The following PLXNB3 variants were observed in gnomAD, a reference collection of about 807,000 sequenced individuals.
The protein encoded by PLXNB3 is plexin B3.
A neutral mutation model predicts 125.7 loss-of-function variants in PLXNB3; 80 were observed. That is an observed-to-expected ratio of 0.64 (90% CI 0.53 to 0.77). PLXNB3 has a LOEUF of 0.77. Among genes scored for constraint, PLXNB3 ranks in the 30% least tolerant of loss-of-function variants. The pLI is 0.00. For synonymous variants in PLXNB3, 954 were observed against 783.3 expected (o/e 1.22, Z -3.64); for missense variants, 1,836 against 1,729.3 (o/e 1.06, Z -1.09).
At chrX:153,766,462 C>T (rs1313617831) in intron 2 of PLXNB3, 25 of 1,070,223 alleles carry the variant, frequency 2.3e-5, no homozygotes, top group East Asian at 3.5e-5. Context: ...CCAGCTCCCG[C>T]GGCCTCCCTC....
At chrX:153,772,793 GCGCTT>G in intron 16 of PLXNB3, 88 bp from the exon 17 acceptor site, 1 of 1,042,442 alleles carries the variant, frequency 9.6e-7, no homozygotes, top group Non-Finnish European at 1.2e-6. Context: ...GAGATGACCT[GCGCTT>G]CAGAACCGGA....
chrX:153,765,144 G>T (rs782110897), intron 1 of PLXNB3, among the ~76,000 whole-genome samples: 2 of 113,059 alleles, frequency 1.8e-5, no homozygotes, highest in Non-Finnish European at 3.8e-5. Flanking sequence ...AGGGCCAGAG[G>T]GGGAGGGCTG....
rs1557064929 is a variant in PLXNB3 at position 153,777,613 on chromosome X, T to C, written c.5186T>C (p.Phe1729Ser). 1 of 1,210,565 alleles carries C rather than the reference T, an allele frequency of 8.3e-7. No individual in the cohort carries two copies. Among genetic ancestry groups the C allele is most frequent in the Non-Finnish European group, 1.1e-6 (1 of 895,173 alleles). Residue 1729 changes from phenylalanine (F) to serine (S), a missense_variant, in exon 31 of 36, where the codon TTT becomes TCT. Phe to Ser is a radical substitution (Grantham distance 155). Coordinates refer to ENST00000361971, the MANE Select transcript of PLXNB3 (RefSeq NM_005393.3). The part of the protein sequence containing the change: ...RPIPIAVKYL[F>S]DLLDELAEKH... ...ATCCCCATCGCCGTCAAGTACCTGTTTGACCTTCTGGATGAGCTAGCAGAG... is the reference window on the plus strand; with the variant it reads ...ATCCCCATCGCCGTCAAGTACCTGTCTGACCTTCTGGATGAGCTAGCAGAG...
Position 153,767,898 on chromosome X carries a change from C to T in PLXNB3, c.1071C>T (p.Cys357=), listed in dbSNP as rs1348259023. The T allele has an allele frequency of 2.9e-5, 32 of 1,098,035 alleles. No individual in the cohort carries two copies. The highest frequency in any genetic ancestry group is 3.0e-5 in the Non-Finnish European group (25 of 843,114). 90.5% of individuals were successfully genotyped at this position (1,098,035 alleles called of 1,213,427 possible). A position where few individuals can be genotyped will look rare whatever the true frequency, so the allele number is the denominator to read the frequency against. Residue 357 remains cysteine, a synonymous_variant, in exon 3 of 36, where the codon TGC becomes TGT. Coordinates refer to ENST00000361971, the MANE Select transcript of PLXNB3 (RefSeq NM_005393.3). Reference sequence around the variant, plus strand: ...TGGAGTACGGCGTCACGTCGCGCTGCGTCACCCTGCCCCTTGTGAGTGGCA... The same window carrying T: ...TGGAGTACGGCGTCACGTCGCGCTGTGTCACCCTGCCCCTTGTGAGTGGCA... The part of the protein sequence containing the change: ...ATVEYGVTSR[C]VTLPLDSPES...
chrX:153,773,613 C>T lies in PLXNB3; in HGVS notation c.3179C>T (p.Ala1060Val), dbSNP rs782341195. Reference protein sequence around the residue: ...VWLEADAEVQASRAQPQDPQP... With the variant: ...VWLEADAEVQVSRAQPQDPQP... Reference sequence around the variant, plus strand: ...CTGGAGGCTGACGCAGAGGTGCAGGCTTCCAGGGCCCAGCCCCAGGACCCA... The same window carrying T: ...CTGGAGGCTGACGCAGAGGTGCAGGTTTCCAGGGCCCAGCCCCAGGACCCA... The change falls in exon 19 of 36, where the codon GCT (alanine) becomes GTT (valine). Residue 1060 changes from alanine to valine, a missense_variant. Physicochemically the swap from Ala to Val is moderately conservative, Grantham distance 64. Transcript: ENST00000361971. The T allele has an allele frequency of 3.7e-5, 44 of 1,203,637 alleles. No homozygotes were observed. The highest frequency in any genetic ancestry group is 8.7e-5 in the African/African-American group (5 of 57,340).
chrX:153,765,184 G>A (rs1276317707), intron 1 of PLXNB3, among the ~76,000 whole-genome samples: 1 of 112,966 alleles, frequency 8.9e-6, no homozygotes, highest in African/African-American at 3.2e-5. Flanking sequence ...CTTTGTCCCC[G>A]GATCCCGGGG....
rs142851201 is a variant in PLXNB3, at chrX:153,774,987, G to A, written c.4039G>A (p.Gly1347Ser). 27 of 1,200,866 alleles carry A rather than the reference G, an allele frequency of 2.2e-5. No individual in the cohort carries two copies. Among genetic ancestry groups the A allele is most frequent in the East Asian group, 3.0e-5 (1 of 33,680 alleles). Reference sequence around the variant, plus strand: ...GCGCGCCTTCTTCCCTGGCCATGGCGGTTGCCCGCTGCAGCCCAAGCCTGA... The same window carrying A: ...GCGCGCCTTCTTCCCTGGCCATGGCAGTTGCCCGCTGCAGCCCAAGCCTGA... ...AERAFFPGHGGCPLQPKPEGP... is the reference protein window; with the variant it reads ...AERAFFPGHGSCPLQPKPEGP... Residue 1347 changes from glycine (G) to serine (S), a missense_variant, in exon 24 of 36, where the codon GGT (glycine) becomes AGT (serine). Transcript: ENST00000361971.
rs1557060205 is a variant in PLXNB3, at chrX:153,768,418, A to G, written c.1256A>G (p.Gln419Arg). 8.3e-7 allele frequency: 1 copy of G among 1,201,386 alleles called. No individual in the cohort carries two copies. The highest frequency in any genetic ancestry group is 1.1e-6 in the Non-Finnish European group (1 of 887,974). The change falls in exon 4 of 36, where the codon CAG becomes CGG. Residue 419 changes from glutamine to arginine, a missense_variant. By Grantham distance (43) the Gln-to-Arg change is conservative. Transcript: ENST00000361971. ...GCCTTCCTGGGGGACACCCAGGGCCAGCTGTACAAGGTGAGGGCCCGGCCT... is the reference window on the plus strand; with the variant it reads ...GCCTTCCTGGGGGACACCCAGGGCCGGCTGTACAAGGTGAGGGCCCGGCCT... ...MIAFLGDTQG[Q>R]LYKVFLHGSQ...
In PLXNB3 at chrX:153,768,187, AC is replaced by A. The variant is rs1390920076; in HGVS notation, c.1087-55del. 9 of 1,043,911 alleles carry A rather than the reference AC, an allele frequency of 8.6e-6. No homozygotes were observed. The Admixed American group carries it at 1.0e-4, about 12-fold the overall frequency. 86.0% of individuals were successfully genotyped at this position (1,043,911 alleles called of 1,213,427 possible). On this transcript the variant is annotated intron_variant, in intron 3 of 35. Transcript: ENST00000361971. ...CTCTCCTCCCGCTGGCAGCCTGGGT[AC>A]CCCCCCTGACTGCCTCTCTGCTCTC...
chrX:153,771,735 A>C lies in PLXNB3; in HGVS notation c.2517+80A>C, dbSNP rs112889552. 1.2e-3 allele frequency: 1,380 copies of C among 1,124,616 alleles called. 16 individuals carry two copies. In the African/African-American group the frequency reaches 0.023, roughly 18 times the overall value. 92.7% of individuals were successfully genotyped at this position (1,124,616 alleles called of 1,213,427 possible). A position where few individuals can be genotyped will look rare whatever the true frequency, so the allele number is the denominator to read the frequency against. On this transcript the variant is annotated intron_variant, in intron 14 of 35. Transcript: ENST00000361971. ...CTGTCCTGTCCTCCGTGATCAGACC[A>C]GCCCTGCCCCAGGCCCCCAAACCCC...
In PLXNB3 at chrX:153,770,786, C is replaced by A. The variant is rs2091920001; in HGVS notation, c.2039C>A (p.Ala680Asp). 1 of 1,206,611 alleles carries A rather than the reference C, an allele frequency of 8.3e-7. No homozygotes were observed. The highest frequency in any genetic ancestry group is 1.7e-5 in the African/African-American group (1 of 57,649). Residue 680 changes from alanine to aspartate, a missense_variant, in exon 11 of 36, where the codon GCT (alanine) becomes GAT (aspartate). Coordinates refer to ENST00000361971, the MANE Select transcript of PLXNB3 (RefSeq NM_005393.3). ...EVDIQVRGPG[A>D]CPQVEGLAGP... ...GACATCCAGGTGCGTGGCCCAGGGG[C>A]TTGCCCACAGGTCGAAGGCCTGGCA...
rs1396609101 is a variant in PLXNB3, at chrX:153,767,255, G to A, written c.428G>A (p.Arg143Gln). ...GQVRQGVCETRRLGDVAEVLY... is the reference protein window; with the variant it reads ...GQVRQGVCETQRLGDVAEVLY... Reference sequence around the variant, plus strand: ...GTGCGGCAGGGCGTGTGTGAGACACGGCGCCTTGGGGATGTGGCCGAGGTG... The same window carrying A: ...GTGCGGCAGGGCGTGTGTGAGACACAGCGCCTTGGGGATGTGGCCGAGGTG... The change falls in exon 3 of 36, where the codon CGG becomes CAG. Residue 143 changes from arginine to glutamine, a missense_variant. Arg to Gln is a conservative substitution (Grantham distance 43). Transcript: ENST00000361971. 9 of 1,203,956 alleles carry A rather than the reference G, an allele frequency of 7.5e-6. No individual in the cohort carries two copies. The highest frequency in any genetic ancestry group is 2.3e-4 in the Middle Eastern group (1 of 4,357).
chrX:153,778,571 C>T, intron 34 of PLXNB3, 29 bp from the exon 35 acceptor site: 1 of 1,180,763 alleles, frequency 8.5e-7, no homozygotes. Context: ...GCTGGGACCT[C>T]ACTGCCCCCC....
chrX:153,768,211 C>G, intron 3 of PLXNB3, 38 bp from the exon 4 acceptor site: 1 of 1,153,013 alleles, frequency 8.7e-7, no homozygotes, highest in Non-Finnish European at 1.2e-6. Context: ...CCTCTCTGCT[C>G]TCTTCCGGGG....
chrX:153,768,195 T>G, intron 3 of PLXNB3, 54 bp from the exon 4 acceptor site: 3 of 1,095,201 alleles, frequency 2.7e-6, no homozygotes, highest in Non-Finnish European at 3.7e-6. Context: ...GTACCCCCCC[T>G]GACTGCCTCT....
intron 27 of PLXNB3, 59 bp downstream of exon 27, chrX:153,776,273 T>G: frequency 1.1e-6 from 1 of 896,947 alleles, no homozygotes; most frequent in South Asian, 2.2e-5. Flanking sequence ...CTCCGGCACC[T>G]GGAGCCCCTC....
chrX:153,768,225 G>A, intron 3 of PLXNB3, 24 bp from the exon 4 acceptor site: 1 of 1,168,905 alleles, frequency 8.6e-7, no homozygotes, highest in Non-Finnish European at 1.2e-6. Context: ...TCCGGGGGCT[G>A]ATTCTCCACT....
chrX:153,765,953 T>C, intron 2 of PLXNB3: 1 of 754,000 alleles, frequency 1.3e-6, no homozygotes, highest in African/African-American at 2.3e-5. Context: ...AGGAACCATC[T>C]CCAGTCTGGC....
rs782216398 is a variant in PLXNB3, at chrX:153,774,545, C to G, written c.3804C>G (p.Ala1268=). ...VGMGAAVLIA[A]VLLLTLMYRH... is the part of the protein sequence containing the mutation. ...TGGGTGCTGCAGTGCTGATTGCCGC[C>G]GTGCTCCTCCTCACCCTCATGTACA... is the stretch of plus-strand genomic sequence containing the variant. Residue 1268 remains alanine, a synonymous_variant, in exon 22 of 36, where the codon GCC becomes GCG. Transcript: ENST00000361971. 1 of 1,206,204 alleles carries G rather than the reference C, an allele frequency of 8.3e-7. No homozygotes were observed. The highest frequency in any genetic ancestry group is 1.1e-6 in the Non-Finnish European group (1 of 893,276).
Sources: allele counts gnomAD v4.1 joint callset (sites outside exome capture counted in the v4.1 genomes callset), GRCh38; gene constraint gnomAD v4.1.1; transcripts MANE v1.5; gene names NCBI Gene and HGNC (gene_info 2026-07-23, HGNC 2026-07-21).